The following M1AP variants were observed in gnomAD, a reference collection of about 807,000 sequenced individuals.
M1AP encodes meiosis 1 associated protein.
M1AP carries 39 observed loss-of-function variants against 51.2 expected under a neutral mutation model. The ratio of observed to expected loss-of-function variants is 0.76; its 90% CI spans 0.59 to 1.00. The LOEUF (loss-of-function observed/expected upper bound fraction) is 1.00, where lower values mean the gene tolerates loss of function less well. Among genes scored for constraint, M1AP ranks in the 50% least tolerant of loss-of-function variants. The probability of loss-of-function intolerance (pLI) is 0.00; values close to 1 mark genes in which losing one functional copy is unlikely to be tolerated. For synonymous variants in M1AP, 251 were observed against 249.2 expected, an observed-to-expected ratio of 1.01 and a Z score of -0.07; for missense variants, 545 against 641.2, an observed-to-expected ratio of 0.85 and a Z score of 1.62.
At chr2:74,637,207 C>A (rs1683035328) in intron 2 of M1AP, among the ~76,000 whole-genome samples, 1 of 152,022 alleles carries the variant, frequency 6.6e-6, no homozygotes, top group Non-Finnish European at 1.5e-5. Context: ...CTAATCTTTT[C>A]TTTTGTAATG....
chr2:74,628,629 A>G (rs2104795937), intron 2 of M1AP: 1 of 666,376 alleles, frequency 1.5e-6, no homozygotes, highest in South Asian at 1.4e-5. Flanking sequence ...AGATTCAAAC[A>G]CCCAATGGTT....
intron 8 of M1AP, 191 bp downstream of exon 8, chr2:74,562,026 C>T: frequency 1.0e-6 from 1 of 985,396 alleles, no homozygotes; most frequent in Non-Finnish European, 1.2e-6. Flanking sequence ...ACTCCTTACC[C>T]TGCTGCCATA....
intron 2 of M1AP, among the ~76,000 whole-genome samples, chr2:74,637,120 T>C (rs1191012902): frequency 2.0e-5 from 3 of 152,336 alleles, no homozygotes; most frequent in Admixed American, 6.5e-5. Flanking sequence ...AATTATGTTC[T>C]ATCCATTTAA....
chr2:74,609,673 C>G (rs1015513540), intron 3 of M1AP, among the ~76,000 whole-genome samples: 2 of 152,130 alleles, frequency 1.3e-5, no homozygotes, highest in African/African-American at 4.8e-5. Flanking sequence ...TGCATTCTTA[C>G]CAAAAATGTA....
chr2:74,577,375 T>C (rs1573084806), intron 5 of M1AP, among the ~76,000 whole-genome samples: 1 of 152,220 alleles, frequency 6.6e-6, no homozygotes, highest in Non-Finnish European at 1.5e-5. Flanking sequence ...CCATAGTGTA[T>C]GATGATCTGT....
intron 9 of M1AP, 33 bp from the exon 10 acceptor site, chr2:74,559,742 A>G (rs1243351777): frequency 2.8e-5 from 20 of 718,248 alleles, no homozygotes; most frequent in Non-Finnish European, 4.9e-5. Context: ...ACATATAAGC[A>G]AGCACTTATC....
At chr2:74,576,871 G>A in intron 5 of M1AP, 1 of 1,242,670 alleles carries the variant, frequency 8.0e-7, no homozygotes, top group Non-Finnish European at 1.0e-6. Context: ...TCAAGAGTCT[G>A]ACATGATCTT....
At chr2:74,562,488 C>A in intron 7 of M1AP, 65 bp from the exon 8 acceptor site, 1 of 1,575,152 alleles carries the variant, frequency 6.3e-7, no homozygotes. Context: ...GAGGATCAGT[C>A]CCAATTGAAG....
chr2:74,575,690 T>C (rs1010945484), intron 6 of M1AP, 111 bp from the exon 7 acceptor site: 1 of 807,444 alleles, frequency 1.2e-6, no homozygotes, highest in Non-Finnish European at 2.0e-6. Flanking sequence ...GCTTTTAAAT[T>C]AGTGTCTGTG....
intron 7 of M1AP, among the ~76,000 whole-genome samples, chr2:74,572,030 T>G (rs889567487): frequency 6.6e-6 from 1 of 151,598 alleles, no homozygotes; most frequent in Admixed American, 6.6e-5. Context: ...AAAACTGTTT[T>G]GCTGCTGTCT....
At chr2:74,630,826 T>G (rs891685454) in intron 2 of M1AP, among the ~76,000 whole-genome samples, 1 of 152,198 alleles carries the variant, frequency 6.6e-6, no homozygotes, top group Non-Finnish European at 1.5e-5. Context: ...ACAGAATGAT[T>G]TATATTCATT....
At chr2:74,581,889 A>G (rs752311615) in intron 4 of M1AP, 42 bp from the exon 5 acceptor site, 2 of 1,550,532 alleles carry the variant, frequency 1.3e-6, no homozygotes, top group Admixed American at 3.8e-5. Context: ...TAGATTGTAA[A>G]TTTTGAGTAA....
intron 2 of M1AP, among the ~76,000 whole-genome samples, chr2:74,622,976 C>T: frequency 6.8e-6 from 1 of 146,624 alleles, no homozygotes; most frequent in Admixed American, 6.8e-5. Context: ...AAAACAAACC[C>T]AAAATCAGAT....
At chr2:74,601,182 T>G (rs965300727) in intron 4 of M1AP, among the ~76,000 whole-genome samples, 3 of 152,254 alleles carry the variant, frequency 2.0e-5, no homozygotes, top group Admixed American at 2.0e-4. Context: ...GGTTACATAG[T>G]TCTAGACTAA....
chr2:74,627,823 A>T (rs538232909), intron 2 of M1AP, among the ~76,000 whole-genome samples: 16 of 152,312 alleles, frequency 1.1e-4, no homozygotes, highest in African/African-American at 3.8e-4. Context: ...CATGAAGTGC[A>T]TATTAAAATC....
In M1AP at chr2:74,581,768, G is replaced by A; in HGVS notation, c.675C>T (p.Ala225=). The change falls in exon 5 of 11, where the codon GCC becomes GCT. Residue 225 remains alanine, a synonymous_variant. Coordinates refer to ENST00000421985, the MANE Select transcript of M1AP (RefSeq NM_001321739.2). ...DIVSMEIFFK[A]WLHNSGTDQE... ...GGTCTGTTCCACTGTTATGTAGCCA[G>A]GCTTTGAAGAAAATCTCCATGCTGA... The A allele has an allele frequency of 6.2e-7, 1 of 1,613,610 alleles. No homozygotes were observed. Among genetic ancestry groups the A allele is most frequent in the Non-Finnish European group, 8.5e-7 (1 of 1,179,524 alleles).
At position 74,592,346 on chromosome 2, in the gene M1AP, A is replaced by T. The variant is rs572933541; in HGVS notation, c.596-10499T>A. On this transcript the variant is annotated intron_variant, in intron 4 of 10. Coordinates refer to ENST00000421985, the MANE Select transcript of M1AP (RefSeq NM_001321739.2). ...AACTTTTGCCAATCTAATAATAGGTAGGAAATAATATTTTGGTATAGTCTT... is the reference window on the plus strand; with the variant it reads ...AACTTTTGCCAATCTAATAATAGGTTGGAAATAATATTTTGGTATAGTCTT... Among the ~76,000 whole-genome samples, 15 of 152,316 alleles carry T rather than the reference A, an allele frequency of 9.8e-5. No individual in the cohort carries two copies. In the East Asian group the frequency reaches 2.7e-3, roughly 27 times the overall value.
At chr2:74,561,976 G>T in intron 8 of M1AP, 9 of 985,264 alleles carry the variant, frequency 9.1e-6, no homozygotes, top group Non-Finnish European at 1.1e-5. Context: ...TTCTCTCCCA[G>T]TTTTTTGTTC....
chr2:74,598,550 T>C (rs766896906), intron 4 of M1AP, among the ~76,000 whole-genome samples: 2 of 151,844 alleles, frequency 1.3e-5, no homozygotes, highest in Admixed American at 6.6e-5. Flanking sequence ...TTTACAGCTG[T>C]GGACCATTCA....
Sources: allele counts gnomAD v4.1 joint callset (sites outside exome capture counted in the v4.1 genomes callset), GRCh38; gene constraint gnomAD v4.1.1; transcripts MANE v1.5; gene names NCBI Gene and HGNC (gene_info 2026-07-23, HGNC 2026-07-21).